The following SMAD4 variants were observed in gnomAD, a reference collection of about 807,000 sequenced individuals.
The protein encoded by SMAD4 is SMAD family member 4.
SMAD4 carries 7 observed loss-of-function variants against 63.2 expected under a neutral mutation model. The observed-to-expected ratio is 0.11, with a 90% CI of 0.06 to 0.21. SMAD4 has a LOEUF of 0.21. Among genes scored for constraint, SMAD4 ranks in the 10% least tolerant of loss-of-function variants. SMAD4 has a pLI of 1.00. For missense variants in SMAD4, 312 were observed against 693.8 expected (o/e 0.45, Z 6.18); for synonymous variants, 215 against 235.4 (o/e 0.91, Z 0.79).
intron 1 of SMAD4, among the ~76,000 whole-genome samples, chr18:51,039,026 G>C (rs1055263529): frequency 6.6e-6 from 1 of 152,136 alleles, no homozygotes; most frequent in African/African-American, 2.4e-5. Flanking sequence ...AGAATCACTT[G>C]AACCTGGGAG....
At chr18:51,051,276 T>TA (rs1909704585) in intron 4 of SMAD4, 1 of 440,050 alleles carries the variant, frequency 2.3e-6, no homozygotes, top group Non-Finnish European at 4.5e-6. Flanking sequence ...CTATAGTGAC[T>TA]GTAGGGCTGT....
chr18:51,045,516 G>T (rs1909517414), intron 1 of SMAD4, among the ~76,000 whole-genome samples: 1 of 152,094 alleles, frequency 6.6e-6, no homozygotes, highest in South Asian at 2.1e-4. Context: ...CTGTTGAATG[G>T]ATTCTTTATT....
At chr18:51,044,314 T>G (rs1488147793) in intron 1 of SMAD4, among the ~76,000 whole-genome samples, 3 of 152,138 alleles carry the variant, frequency 2.0e-5, no homozygotes, top group East Asian at 3.9e-4. Context: ...CTGGCGAACC[T>G]CCTACATTTT....
intron 4 of SMAD4, chr18:51,051,469 TGTG>T: frequency 2.2e-6 from 1 of 448,438 alleles, no homozygotes; most frequent in Non-Finnish European, 4.5e-6. Context: ...GTTAAAGTCT[TGTG>T]GTAATCATTT....
At chr18:51,049,185 C>A in intron 3 of SMAD4, 110 bp from the exon 4 acceptor site, 1 of 838,452 alleles carries the variant, frequency 1.2e-6, no homozygotes, top group Non-Finnish European at 2.0e-6. Flanking sequence ...TGAAATGGTT[C>A]ATGAACTTTT....
intron 1 of SMAD4, among the ~76,000 whole-genome samples, chr18:51,032,654 C>A (rs763986605): frequency 6.6e-6 from 1 of 152,124 alleles, no homozygotes; most frequent in Non-Finnish European, 1.5e-5. Flanking sequence ...GCTGCCCAGT[C>A]ACACTCCAGC....
chr18:51,070,765 C>T (rs1170128195), intron 10 of SMAD4, among the ~76,000 whole-genome samples: 2 of 152,130 alleles, frequency 1.3e-5, no homozygotes, highest in African/African-American at 4.8e-5. Context: ...ATTACCCACC[C>T]ATTAGTCACT....
At chr18:51,057,152 C>CT (rs1229962502) in intron 5 of SMAD4, among the ~76,000 whole-genome samples, 3 of 152,028 alleles carry the variant, frequency 2.0e-5, no homozygotes, top group Non-Finnish European at 4.4e-5. Flanking sequence ...TATTCCTTTT[C>CT]TTTGATACTT....
At chr18:51,041,938 G>A (rs1909396320) in intron 1 of SMAD4, among the ~76,000 whole-genome samples, 1 of 152,136 alleles carries the variant, frequency 6.6e-6, no homozygotes, top group African/African-American at 2.4e-5. Flanking sequence ...AACTTTCCAT[G>A]CTCCCTCATT....
intron 10 of SMAD4, among the ~76,000 whole-genome samples, chr18:51,071,084 T>C (rs1296986388): frequency 6.6e-6 from 1 of 152,194 alleles, no homozygotes; most frequent in African/African-American, 2.4e-5. Flanking sequence ...GAATACTGTA[T>C]ACCTTAAAAT....
At position 51,084,022 on chromosome 18, in the gene SMAD4, ACACAC is replaced by A. The variant is rs1910684380; in HGVS notation, c.*5556_*5560del. The A allele has an allele frequency of 1.3e-5, 3 of 222,730 alleles. No homozygotes were observed. Among genetic ancestry groups the A allele is most frequent in the Non-Finnish European group, 2.6e-5 (3 of 114,572 alleles). The allele number at this position is 222,730 out of a possible 1,614,324, so 13.8% of individuals were successfully genotyped here. ...TGCGCACGCGCGCGCGCACACACAC[ACACAC>A]ACACACACACACACACAGGTCAGAG... is the stretch of plus-strand genomic sequence containing the variant. On this transcript the variant is annotated 3_prime_UTR_variant, in exon 12 of 12. Coordinates refer to ENST00000342988, the MANE Select transcript of SMAD4 (RefSeq NM_005359.6).
intron 2 of SMAD4, among the ~76,000 whole-genome samples, 182 bp from the exon 3 acceptor site, chr18:51,048,504 A>C (rs1334691698): frequency 3.3e-5 from 5 of 152,190 alleles, no homozygotes. Flanking sequence ...AAATTATACC[A>C]AGGTTTAAAT....
At position 51,081,195 on chromosome 18, in the gene SMAD4, G is replaced by A. The variant is rs980682783; in HGVS notation, c.*2728G>A. ...TCTACTTTAAGGGTAAAATTATGAGGTTATGGTTCTGGGTGGGTTTTCTCT... is the reference window on the plus strand; with the variant it reads ...TCTACTTTAAGGGTAAAATTATGAGATTATGGTTCTGGGTGGGTTTTCTCT... On this transcript the variant is annotated 3_prime_UTR_variant, in exon 12 of 12. Coordinates refer to ENST00000342988, the MANE Select transcript of SMAD4 (RefSeq NM_005359.6). The A allele has an allele frequency of 7.2e-5, 16 of 223,070 alleles. No individual in the cohort carries two copies. The highest frequency in any genetic ancestry group is 1.6e-4 in the African/African-American group (7 of 44,712). The allele number at this position is 223,070 out of a possible 1,614,324, so 13.8% of individuals were successfully genotyped here. A position where few individuals can be genotyped will look rare whatever the true frequency, so the allele number is the denominator to read the frequency against.
In SMAD4 at chr18:51,084,170, G is replaced by A. The variant is rs1910691266; in HGVS notation, c.*5703G>A. The A allele has an allele frequency of 4.3e-6, 1 of 230,288 alleles. No individual in the cohort carries two copies. Among genetic ancestry groups the A allele is most frequent in the South Asian group, 1.8e-4 (1 of 5,504 alleles). 14.3% of individuals were successfully genotyped at this position (230,288 alleles called of 1,614,324 possible). A position where few individuals can be genotyped will look rare whatever the true frequency, so the allele number is the denominator to read the frequency against. On this transcript the variant is annotated 3_prime_UTR_variant, in exon 12 of 12. Coordinates refer to ENST00000342988, the MANE Select transcript of SMAD4 (RefSeq NM_005359.6). ...CGAGTCATGACATTATAGCTTTTGA[G>A]TTGGTGTGTGTGACACCACCCTCCT...
rs1320018115 is a variant in SMAD4 at position 51,078,244 on chromosome 18, C to G, written c.1448-12C>G. 2 of 1,612,226 alleles carry G rather than the reference C, an allele frequency of 1.2e-6. No homozygotes were observed. The highest frequency in any genetic ancestry group is 2.7e-5 in the African/African-American group (2 of 74,858). ...CCTGTCCCTCTGATGTCTTCCAAAT[C>G]TTTTCTGTTAGGTCTGTCAGCTGCT... On this transcript the variant is annotated splice_polypyrimidine_tract_variant and intron_variant, in intron 11 of 11. Transcript: ENST00000342988.
At chr18:51,061,362 T>A (rs1910007892) in intron 8 of SMAD4, among the ~76,000 whole-genome samples, 1 of 152,192 alleles carries the variant, frequency 6.6e-6, no homozygotes, top group Admixed American at 6.5e-5. Context: ...CCCCACTACC[T>A]TTCCCAGCCT....
In SMAD4 at chr18:51,081,487, C is replaced by G. The variant is rs1232881104; in HGVS notation, c.*3020C>G. On this transcript the variant is annotated 3_prime_UTR_variant, in exon 12 of 12. Transcript: ENST00000342988. ...CACTGCCATATAACCTTGCTTTTTC[C>G]AGAAACATGGCTGTTTTGTATTGCT... is the stretch of plus-strand genomic sequence containing the variant. 2 of 231,056 alleles carry G rather than the reference C, an allele frequency of 8.7e-6. No individual in the cohort carries two copies. Among genetic ancestry groups the G allele is most frequent in the Non-Finnish European group, 1.7e-5 (2 of 116,850 alleles). The allele number at this position is 231,056 out of a possible 1,614,324, so 14.3% of individuals were successfully genotyped here. A position where few individuals can be genotyped will look rare whatever the true frequency, so the allele number is the denominator to read the frequency against.
At chr18:51,078,151 G>A in intron 11 of SMAD4, 105 bp from the exon 12 acceptor site, 1 of 923,710 alleles carries the variant, frequency 1.1e-6, no homozygotes, top group Admixed American at 1.9e-5. Flanking sequence ...TATATGCTGA[G>A]GAGAATGAAA....
chr18:51,040,175 C>G (rs1365103849), intron 1 of SMAD4, among the ~76,000 whole-genome samples: 2 of 152,064 alleles, frequency 1.3e-5, no homozygotes, highest in African/African-American at 4.8e-5. Context: ...TACCTGTAAT[C>G]CAGCACTTTG....
Sources: allele counts gnomAD v4.1 joint callset (sites outside exome capture counted in the v4.1 genomes callset), GRCh38; gene constraint gnomAD v4.1.1; transcripts MANE v1.5; gene names NCBI Gene and HGNC (gene_info 2026-07-23, HGNC 2026-07-21).